GALNTL6: variants seen among roughly 807,000 people sequenced by gnomAD.
GALNTL6 encodes polypeptide N-acetylgalactosaminyltransferase like 6, also known as polypeptide N-acetylgalactosaminyltransferase-like 6.
Under a neutral mutation model 73.7 loss-of-function variants are expected in GALNTL6, and 46 were observed. The ratio of observed to expected loss-of-function variants is 0.62; its 90% confidence interval spans 0.49 to 0.80. The LOEUF is 0.80. Among genes scored for constraint, GALNTL6 ranks in the 30% least tolerant of loss-of-function variants. GALNTL6 has a pLI of 0.00. For missense variants in GALNTL6, 604 were observed against 755.0 expected (o/e 0.80, Z 2.34); for synonymous variants, 259 against 263.7 (o/e 0.98, Z 0.17).
intron 2 of GALNTL6, among the ~76,000 whole-genome samples, chr4:172,071,960 A>T (rs971556394): frequency 6.6e-6 from 1 of 152,186 alleles, no homozygotes; most frequent in Non-Finnish European, 1.5e-5. Context: ...ATTTGGGATC[A>T]ATTGTTACAG....
intron 8 of GALNTL6, among the ~76,000 whole-genome samples, chr4:172,928,841 TA>T (rs1748187278): frequency 6.6e-6 from 1 of 152,226 alleles, no homozygotes; most frequent in East Asian, 1.9e-4. Context: ...GAAGGAAATA[TA>T]AAGCATTTAT....
At chr4:172,069,535 A>ATGTTATATGTATGACACATATG (rs58953734) in intron 2 of GALNTL6, among the ~76,000 whole-genome samples, 9 of 55,972 alleles carry the variant, frequency 1.6e-4, no homozygotes, top group African/African-American at 6.5e-4. Context: ...TAACACATAT[A>ATGTTATATGTATGACACATATG]TTATATATAA....
intron 7 of GALNTL6, among the ~76,000 whole-genome samples, chr4:172,866,354 G>A (rs1744662777): frequency 6.6e-6 from 1 of 152,166 alleles, no homozygotes. Context: ...CTAGGCTTTG[G>A]TGTCACACTC....
chr4:172,022,055 C>T (rs901250795), intron 2 of GALNTL6, among the ~76,000 whole-genome samples: 1 of 151,940 alleles, frequency 6.6e-6, no homozygotes, highest in African/African-American at 2.4e-5. Flanking sequence ...ACCCCACAAG[C>T]ACAGGCAACC....
chr4:172,663,430 T>C (rs1049418315), intron 5 of GALNTL6, among the ~76,000 whole-genome samples: 1 of 152,194 alleles, frequency 6.6e-6, no homozygotes, highest in Non-Finnish European at 1.5e-5. Flanking sequence ...GTTCACCAGA[T>C]ACTTGATTTC....
chr4:172,807,708 T>C (rs1741046264), intron 5 of GALNTL6, among the ~76,000 whole-genome samples: 1 of 152,230 alleles, frequency 6.6e-6, no homozygotes, highest in Non-Finnish European at 1.5e-5. Flanking sequence ...AGAGTTTGCT[T>C]TTCATAGTCT....
intron 8 of GALNTL6, among the ~76,000 whole-genome samples, chr4:172,914,936 C>A (rs1747420932): frequency 6.6e-6 from 1 of 152,212 alleles, no homozygotes; most frequent in Non-Finnish European, 1.5e-5. Context: ...CCCAAATCAA[C>A]AGAATATACA....
Position 172,673,083 on chromosome 4 carries a change from C to T in GALNTL6, c.554-136278C>T, listed in dbSNP as rs904887836. Among the ~76,000 whole-genome samples, 6 of 152,142 alleles carry T rather than the reference C, an allele frequency of 3.9e-5. No homozygotes were observed. The East Asian group carries it at 9.7e-4, about 25-fold the overall frequency. On this transcript the variant is annotated intron_variant, in intron 5 of 12. Transcript: ENST00000506823. ...CATTGGGATTTGTTTGCTCTTGATT[C>T]TCTAGTTCTTTTAGTTGTGAAGTTA...
chr4:172,282,495 G>A (rs1345337923), intron 3 of GALNTL6, among the ~76,000 whole-genome samples: 2 of 152,122 alleles, frequency 1.3e-5, no homozygotes, highest in African/African-American at 4.8e-5. Flanking sequence ...ACAGAGCAGA[G>A]GCCGGTATAG....
chr4:172,408,854 A>G (rs989434746), intron 5 of GALNTL6, among the ~76,000 whole-genome samples: 1 of 152,090 alleles, frequency 6.6e-6, no homozygotes, highest in African/African-American at 2.4e-5. Context: ...AGTTTCTCTC[A>G]TCCAGAAGTG....
intron 7 of GALNTL6, among the ~76,000 whole-genome samples, chr4:172,873,430 G>C (rs1487877138): frequency 6.6e-6 from 1 of 152,160 alleles, no homozygotes; most frequent in Admixed American, 6.5e-5. Flanking sequence ...GAAGTCACAG[G>C]GGGTGAAGTC....
At chr4:171,982,357 G>A (rs1340415336) in intron 2 of GALNTL6, among the ~76,000 whole-genome samples, 1 of 152,096 alleles carries the variant, frequency 6.6e-6, no homozygotes, top group Non-Finnish European at 1.5e-5. Context: ...GAGTGCAGTG[G>A]CGCGATCTCG....
At chr4:172,252,594 G>C (rs6827335) in intron 3 of GALNTL6, among the ~76,000 whole-genome samples, 19,196 of 152,022 alleles carry the variant, frequency 0.13, 1,311 homozygotes, top group East Asian at 0.3. Flanking sequence ...TAGATATGCA[G>C]TTTTTAAGTA....
At chr4:171,955,549 A>G (rs974792672) in intron 2 of GALNTL6, among the ~76,000 whole-genome samples, 3 of 152,106 alleles carry the variant, frequency 2.0e-5, no homozygotes, top group Non-Finnish European at 2.9e-5. Context: ...ATCTTCCTGT[A>G]TACTTTAAAT....
At chr4:171,913,057 A>AC (rs1418549892) in intron 2 of GALNTL6, among the ~76,000 whole-genome samples, 1 of 152,108 alleles carries the variant, frequency 6.6e-6, no homozygotes, top group Non-Finnish European at 1.5e-5. Flanking sequence ...TTGGGTAAAT[A>AC]CTCAGCAGAG....
At chr4:172,247,475 A>G (rs1737701857) in intron 3 of GALNTL6, among the ~76,000 whole-genome samples, 1 of 152,218 alleles carries the variant, frequency 6.6e-6, no homozygotes, top group Non-Finnish European at 1.5e-5. Flanking sequence ...AGCCTCATAC[A>G]AAACAGCTCC....
At position 172,697,904 on chromosome 4, in the gene GALNTL6, C is replaced by T. The variant is rs140750813; in HGVS notation, c.554-111457C>T. Among the ~76,000 whole-genome samples the T allele has an allele frequency of 3.4e-3, 512 of 152,200 alleles. 4 individuals carry two copies. The highest frequency in any genetic ancestry group is 0.012 in the African/African-American group (495 of 41,536). ...CATGGTTCTTTGAAACATTCAGTGC[C>T]TAGTTCTTCCCAAGCACCTGGATCA... On this transcript the variant is annotated intron_variant, in intron 5 of 12. Coordinates refer to ENST00000506823, the MANE Select transcript of GALNTL6 (RefSeq NM_001034845.3).
intron 5 of GALNTL6, among the ~76,000 whole-genome samples, chr4:172,763,269 G>A (rs1028691686): frequency 6.6e-6 from 1 of 151,882 alleles, no homozygotes; most frequent in African/African-American, 2.4e-5. Flanking sequence ...CAGAGAGAAC[G>A]TGAAGTAAGG....
intron 5 of GALNTL6, among the ~76,000 whole-genome samples, chr4:172,552,846 A>AAAAAAC (rs1196666073): frequency 1.3e-5 from 2 of 150,076 alleles, no homozygotes; most frequent in Admixed American, 1.3e-4. Flanking sequence ...GTAAAAAAAA[A>AAAAAAC]AAAAAAAAAA....
Sources: gnomAD v4.1 joint callset for allele counts (sites outside exome capture counted in the v4.1 genomes callset) on GRCh38, gnomAD v4.1.1 for gene constraint, MANE v1.5 for transcripts, NCBI Gene and HGNC (gene_info 2026-07-23, HGNC 2026-07-21) for gene names.